NOP14: variants seen among roughly 807,000 people sequenced by gnomAD.
NOP14 encodes the protein nucleolar protein 14.
In NOP14, 57 loss-of-function variants were observed where a neutral mutation model predicts 101.6. That is an observed-to-expected ratio of 0.56 (90% CI 0.45 to 0.70). The LOEUF (loss-of-function observed/expected upper bound fraction) is 0.70. Ranked by LOEUF, NOP14 falls within the 30% of genes least tolerant of loss-of-function variation. The probability of loss-of-function intolerance (pLI) is 0.00; values close to 1 mark genes in which losing one functional copy is unlikely to be tolerated. For missense variants in NOP14, 1,134 were observed against 1,075.5 expected (o/e 1.05, Z -0.76); for synonymous variants, 428 against 424.0 (o/e 1.01, Z -0.12).
At chr4:2,961,135 A>T (rs1379389681) in intron 1 of NOP14, among the ~76,000 whole-genome samples, 1 of 69,058 alleles carries the variant, frequency 1.4e-5, no homozygotes, top group East Asian at 3.7e-4. Context: ...ATAATAATAT[A>T]TTAATATACT....
At chr4:2,945,437 T>A (rs1457515803) in intron 11 of NOP14, among the ~76,000 whole-genome samples, 1 of 152,186 alleles carries the variant, frequency 6.6e-6, no homozygotes, top group Non-Finnish European at 1.5e-5. Context: ...CTGAGGCCCA[T>A]GAAGACTTCA....
At chr4:2,953,765 CA>C (rs1257245301) in intron 4 of NOP14, 120 bp from the exon 5 acceptor site, 1 of 1,117,758 alleles carries the variant, frequency 8.9e-7, no homozygotes, top group African/African-American at 1.6e-5. Context: ...AACGTTTCAA[CA>C]CAGAAAAGAG....
rs763243677 is a variant in NOP14 at position 2,939,596 on chromosome 4, C to CA, written c.2248dup (p.Cys750LeufsTer7). ...GCTCTTCTCACAGGTCAGCGGCCGGCAGAGCTGCTTCTGGCTTTCCATTTC... is the reference window on the plus strand; with the variant it reads ...GCTCTTCTCACAGGTCAGCGGCCGGCAAGAGCTGCTTCTGGCTTTCCATTTC... On this transcript the variant is annotated frameshift_variant, in exon 16 of 18. Transcript: ENST00000416614. LOFTEE classifies it high-confidence loss of function. 3.7e-6 allele frequency: 6 copies of CA among 1,613,976 alleles called. No homozygotes were observed. In the Admixed American group the frequency reaches 5.0e-5, roughly 13 times the overall value.
intron 1 of NOP14, among the ~76,000 whole-genome samples, chr4:2,959,309 G>A (rs1297466652): frequency 6.6e-6 from 1 of 152,146 alleles, no homozygotes; most frequent in African/African-American, 2.4e-5. Flanking sequence ...AAACACCTTT[G>A]GGGCCGGGCG....
rs374819618 is a variant in NOP14, at chr4:2,939,169, A to G, written c.2474+19T>C. 1.9e-4 allele frequency: 304 copies of G among 1,613,536 alleles called. No homozygotes were observed. The highest frequency in any genetic ancestry group is 2.4e-4 in the Non-Finnish European group (284 of 1,179,868). Reference sequence around the variant, plus strand: ...CTGAGTGACACCACAATCGTGTCGCACACACACGTCCCCCTCACCGTTCCA... The same window carrying G: ...CTGAGTGACACCACAATCGTGTCGCGCACACACGTCCCCCTCACCGTTCCA... On this transcript the variant is annotated intron_variant, in intron 17 of 17. Coordinates refer to ENST00000416614, the MANE Select transcript of NOP14 (RefSeq NM_001291978.2).
In NOP14 at chr4:2,946,478, A is replaced by C. The variant is rs1268326926; in HGVS notation, c.1569T>G (p.Asp523Glu). Residue 523 changes from aspartate (D) to glutamate (E), a missense_variant, in exon 11 of 18, where the codon GAT becomes GAG. Physicochemically the swap from Asp to Glu is conservative, Grantham distance 45 (BLOSUM62 2). Coordinates refer to ENST00000416614, the MANE Select transcript of NOP14 (RefSeq NM_001291978.2). ...ASDAIKFVLR[D>E]AMHEMEEMIE... Reference sequence around the variant, plus strand: ...TCATTTCTTCCATCTCATGCATCGCATCTCGGAGAACAAATTTGATAGCGT... The same window carrying C: ...TCATTTCTTCCATCTCATGCATCGCCTCTCGGAGAACAAATTTGATAGCGT... The C allele has an allele frequency of 1.2e-6, 2 of 1,614,234 alleles. No homozygotes were observed. Among genetic ancestry groups the C allele is most frequent in the South Asian group, 1.1e-5 (1 of 91,088 alleles).
In NOP14 at chr4:2,938,889, C is replaced by G. The variant is rs750763864; in HGVS notation, c.2516G>C (p.Ser839Thr). 1.2e-6 allele frequency: 2 copies of G among 1,614,200 alleles called. No homozygotes were observed. The highest frequency in any genetic ancestry group is 2.2e-5 in the East Asian group (1 of 44,892). Reference protein sequence around the residue: ...RKRKVKQLFNSLATQEGEWKA... With the variant: ...RKRKVKQLFNTLATQEGEWKA... ...CCATTCGCCTTCCTGTGTAGCCAGG[C>G]TGTTAAAAAGCTGCTTTACTTTCCG... The change falls in exon 18 of 18, where the codon AGC (serine) becomes ACC (threonine). Residue 839 changes from serine to threonine, a missense_variant. Coordinates refer to ENST00000416614, the MANE Select transcript of NOP14 (RefSeq NM_001291978.2).
At position 2,938,335 on chromosome 4, in the gene NOP14, A is replaced by T. The variant is rs10002702; in HGVS notation, c.*496T>A. On this transcript the variant is annotated 3_prime_UTR_variant, in exon 18 of 18. Transcript: ENST00000416614. ...CGGGAATTCGAGACCAGCCTGACCAACATGGAGAAACCCCGTCTCTACTAA... is the reference window on the plus strand; with the variant it reads ...CGGGAATTCGAGACCAGCCTGACCATCATGGAGAAACCCCGTCTCTACTAA... 9.0e-3 allele frequency: 5,338 copies of T among 591,654 alleles called. 213 individuals carry two copies. The African/African-American group carries it at 0.091, about 10-fold the overall frequency. 36.7% of individuals were successfully genotyped at this position (591,654 alleles called of 1,614,324 possible).
intron 1 of NOP14, among the ~76,000 whole-genome samples, chr4:2,959,970 CCTT>C (rs1021803089): frequency 2.6e-5 from 4 of 151,062 alleles, no homozygotes; most frequent in South Asian, 2.1e-4. Flanking sequence ...TACACTGAGA[CCTT>C]TTTTTTTTTT....
At chr4:2,951,072 A>T (rs1385914464) in intron 7 of NOP14, 42 bp downstream of exon 7, 14 of 1,533,538 alleles carry the variant, frequency 9.1e-6, no homozygotes, top group Admixed American at 2.1e-5. Context: ...TTTTTAAATT[A>T]AAAAAAGAGA....
In NOP14 at chr4:2,963,256, C is replaced by T. The variant is rs774080022; in HGVS notation, c.64G>A (p.Gly22Arg). Residue 22 changes from glycine (G) to arginine (R), a missense_variant, in exon 1 of 18, where the codon GGG (glycine) becomes AGG (arginine). Transcript: ENST00000416614. The stretch of plus-strand genomic sequence containing the variant: ...TTGGAGTTGGCCTTCGCCGGGCCCC[C>T]TCGCGCTCCCGCCGGCGCCCCGGAG... ...KASGAPAGAR[G>R]GPAKANSNPF... 9 of 1,591,664 alleles carry T rather than the reference C, an allele frequency of 5.7e-6. No homozygotes were observed. In the South Asian group the frequency reaches 1.0e-4, roughly 18 times the overall value.
Position 2,963,174 on chromosome 4 carries a change from C to A in NOP14, c.146G>T (p.Arg49Leu). ...CACCCCGGGCAGTCCCACGTCGTGG[C>A]GCGTCTTCCGGCCCAGGATCTGGAA... is the stretch of plus-strand genomic sequence containing the variant. ...QKFQILGRKTRHDVGLPGVSR... is the reference protein window; with the variant it reads ...QKFQILGRKTLHDVGLPGVSR... The change falls in exon 1 of 18, where the codon CGC becomes CTC. Residue 49 changes from arginine to leucine, a missense_variant. Arg to Leu is a moderately radical substitution (Grantham distance 102, BLOSUM62 -2). Coordinates refer to ENST00000416614, the MANE Select transcript of NOP14 (RefSeq NM_001291978.2). 6.3e-7 allele frequency: 1 copy of A among 1,580,086 alleles called. No homozygotes were observed. The highest frequency in any genetic ancestry group is 1.4e-5 in the African/African-American group (1 of 71,264).
chr4:2,961,555 A>T (rs1210987208), intron 1 of NOP14: 1 of 151,584 alleles, frequency 6.6e-6, no homozygotes, highest in Admixed American at 6.6e-5. Flanking sequence ...CGGCCCCTAC[A>T]CGCGTTATCA....
Position 2,963,151 on chromosome 4 carries a change from C to T in NOP14, c.169G>A (p.Val57Met), listed in dbSNP as rs369011921. The T allele has an allele frequency of 6.4e-7, 1 of 1,571,876 alleles. No homozygotes were observed. Among genetic ancestry groups the T allele is most frequent in the Non-Finnish European group, 8.6e-7 (1 of 1,162,400 alleles). ...KTRHDVGLPG[V>M]SRARALRKRT... ...TTCCTGAGGGCCCGTGCGCGAGACA[C>T]CCCGGGCAGTCCCACGTCGTGGCGC... The change falls in exon 1 of 18, where the codon GTG becomes ATG. Residue 57 changes from valine (V) to methionine (M), a missense_variant. Transcript: ENST00000416614.
Position 2,960,900 on chromosome 4 carries a change from ATAT to A in NOP14, c.195+2222_195+2224del, listed in dbSNP as rs1248289911. Among the ~76,000 whole-genome samples the A allele has an allele frequency of 9.5e-4, 71 of 74,636 alleles. 2 individuals are homozygous for A. The highest frequency in any genetic ancestry group is 1.6e-3 in the African/African-American group (31 of 19,940). 49.0% of individuals were successfully genotyped at this position (74,636 alleles called of 152,430 possible). On this transcript the variant is annotated intron_variant, in intron 1 of 17. Coordinates refer to ENST00000416614, the MANE Select transcript of NOP14 (RefSeq NM_001291978.2). ...ACATTATTATTATATTATTATATCA[ATAT>A]TATATTAATATTATATCGATATTAT...
chr4:2,961,371 C>A (rs1715889961), intron 1 of NOP14: 1 of 23,632 alleles, frequency 4.2e-5, no homozygotes, highest in Non-Finnish European at 1.8e-4. Flanking sequence ...GAAACTGAGG[C>A]ACAGCTATAA....
At chr4:2,955,548 T>G (rs533319440) in intron 3 of NOP14, among the ~76,000 whole-genome samples, 74 of 143,728 alleles carry the variant, frequency 5.1e-4, no homozygotes, top group Non-Finnish European at 8.7e-4. Context: ...CGGCGCCCCC[T>G]CTAGTCACCT....
At chr4:2,961,199 T>A (rs1459727702) in intron 1 of NOP14, among the ~76,000 whole-genome samples, 1 of 994 alleles carries the variant, frequency 1.0e-3, no homozygotes, top group African/African-American at 4.7e-3. Flanking sequence ...ATGCTAATAT[T>A]ATAATAATAT....
At chr4:2,952,244 C>T in intron 6 of NOP14, 31 bp downstream of exon 6, 1 of 1,609,660 alleles carries the variant, frequency 6.2e-7, no homozygotes, top group Non-Finnish European at 8.5e-7. Context: ...GACAGCAGCA[C>T]AGCCCTGCTC....
Sources: gnomAD v4.1 joint callset for allele counts (sites outside exome capture counted in the v4.1 genomes callset) on GRCh38, gnomAD v4.1.1 for gene constraint, MANE v1.5 for transcripts, NCBI Gene and HGNC (gene_info 2026-07-23, HGNC 2026-07-21) for gene names.